The following RIMBP2 variants were observed in gnomAD, a reference collection of about 807,000 sequenced individuals.
The protein encoded by RIMBP2 is RIMS-binding protein 2.
In RIMBP2, 48 loss-of-function variants were observed where a neutral mutation model predicts 118.6. That is an observed-to-expected ratio of 0.40 (90% CI 0.32 to 0.51). The LOEUF is 0.51. Ranked by LOEUF, RIMBP2 falls within the 20% of genes least tolerant of loss-of-function variation. The pLI, the probability that RIMBP2 is intolerant of heterozygous loss-of-function variation, is 0.41. For synonymous variants in RIMBP2, 762 were observed against 742.9 expected (o/e 1.03, Z -0.42); for missense variants, 1,551 against 1,768.3 (o/e 0.88, Z 2.20).
rs1222892354 is a variant in RIMBP2, at chr12:130,531,366, G to C, written c.-216-13449C>G. On this transcript the variant is annotated intron_variant, in intron 2 of 22. Transcript: ENST00000690449. ...TGAGAGTCCCCAAAAGGTAACCACT[G>C]TTCTGATTTCTAGTCCCATGCATGT... is the stretch of plus-strand genomic sequence containing the variant. 2.0e-5 allele frequency among the ~76,000 whole-genome samples: 3 copies of C among 152,228 alleles called. No individual in the cohort carries two copies. The East Asian group carries it at 5.8e-4, about 29-fold the overall frequency.
intron 1 of RIMBP2, among the ~76,000 whole-genome samples, chr12:130,643,171 C>T (rs1477794930): frequency 1.3e-5 from 2 of 152,190 alleles, no homozygotes; most frequent in East Asian, 1.9e-4. Context: ...AGCTAAGCCC[C>T]GGTGAGAGTT....
intron 2 of RIMBP2, among the ~76,000 whole-genome samples, chr12:130,521,712 T>C (rs1166481705): frequency 6.6e-6 from 1 of 152,192 alleles, no homozygotes; most frequent in Non-Finnish European, 1.5e-5. Flanking sequence ...GGGAGAACTT[T>C]CTGAGCTCCA....
rs776743149 is a variant in RIMBP2 at position 130,436,950 on chromosome 12, C to T, written c.1998G>A (p.Ser666=). 1.7e-5 allele frequency: 28 copies of T among 1,600,240 alleles called. No individual in the cohort carries two copies. The highest frequency in any genetic ancestry group is 1.7e-5 in the Admixed American group (1 of 58,496). The change falls in exon 13 of 23, where the codon TCG becomes TCA. Residue 666 remains serine, a synonymous_variant. Transcript: ENST00000690449. ...GTGGCAGGATGCGGCTGGGTGAGGG[C>T]GACCGCCTTCCGGGGCCCACGGGCG... ...LEPPVGPGRR[S]PSPSRILPQP...
chr12:130,570,762 C>T (rs963200220), intron 2 of RIMBP2, among the ~76,000 whole-genome samples: 12 of 152,198 alleles, frequency 7.9e-5, no homozygotes, highest in South Asian at 2.1e-4. Context: ...CAGTGTTAAG[C>T]GCAACATCAG....
At chr12:130,521,023 G>A (rs1189699356) in intron 2 of RIMBP2, among the ~76,000 whole-genome samples, 1 of 152,214 alleles carries the variant, frequency 6.6e-6, no homozygotes, top group Non-Finnish European at 1.5e-5. Flanking sequence ...GTCCCCTGCA[G>A]TGGCAGGCAT....
chr12:130,527,190 A>T (rs2052895163), intron 2 of RIMBP2, among the ~76,000 whole-genome samples: 1 of 152,236 alleles, frequency 6.6e-6, no homozygotes, highest in South Asian at 2.1e-4. Flanking sequence ...AAGCCTAAGT[A>T]TTCTTGGCAA....
chr12:130,442,241 T>C lies in RIMBP2; in HGVS notation c.1111A>G (p.Ile371Val). 1 of 1,614,216 alleles carries C rather than the reference T, an allele frequency of 6.2e-7. No individual in the cohort carries two copies. Among genetic ancestry groups the C allele is most frequent in the Non-Finnish European group, 8.5e-7 (1 of 1,180,042 alleles). Residue 371 changes from isoleucine (I) to valine (V), a missense_variant, in exon 11 of 23, where the codon ATC (isoleucine) becomes GTC (valine). By Grantham distance (29) the Ile-to-Val change is conservative (BLOSUM62 3). Coordinates refer to ENST00000690449, the MANE Select transcript of RIMBP2 (RefSeq NM_001393629.1). The surrounding 1 kb of genome is among the most constrained non-coding windows in gnomAD (Gnocchi z 6.9). ...CAGGCTGCCATGTTGAGCTTCTCGA[T>C]GAGGGCTTTAGTTCTGCTCCCCAGC... ...LTLGSRTKAL[I>V]EKLNMAACTY... is the part of the protein sequence containing the mutation.
At chr12:130,684,779 T>G (rs2064965514) in intron 1 of RIMBP2, among the ~76,000 whole-genome samples, 1 of 152,244 alleles carries the variant, frequency 6.6e-6, no homozygotes, top group African/African-American at 2.4e-5. Flanking sequence ...TGATCTTTTT[T>G]TATCCCATAT....
chr12:130,538,604 C>A (rs925120857), intron 2 of RIMBP2, among the ~76,000 whole-genome samples: 1 of 152,216 alleles, frequency 6.6e-6, no homozygotes, highest in Non-Finnish European at 1.5e-5. Context: ...AGAGTCTGCA[C>A]ACTTCAGCTC....
chr12:130,498,688 G>A (rs11060953), intron 4 of RIMBP2, among the ~76,000 whole-genome samples: 29,229 of 150,498 alleles, frequency 0.19, 3,484 homozygotes, highest in Non-Finnish European at 0.26. Context: ...CCTGTGGAGA[G>A]GCCACATGAG....
intron 15 of RIMBP2, chr12:130,427,364 T>C (rs2076859047): frequency 6.6e-6 from 1 of 152,214 alleles, no homozygotes; most frequent in South Asian, 2.1e-4. Flanking sequence ...CCCCTTAGCC[T>C]AGCACAGGGC....
At chr12:130,675,816 G>A (rs367632368) in intron 1 of RIMBP2, among the ~76,000 whole-genome samples, 29 of 152,188 alleles carry the variant, frequency 1.9e-4, no homozygotes, top group African/African-American at 6.3e-4. Context: ...AATCCCACTC[G>A]GGTATTTACC....
chr12:130,665,056 A>G (rs2063859616), intron 1 of RIMBP2, among the ~76,000 whole-genome samples: 1 of 151,650 alleles, frequency 6.6e-6, no homozygotes, highest in South Asian at 2.1e-4. Context: ...CACTCACCAA[A>G]CCCTACCACA....
chr12:130,689,819 A>C (rs1224515303), intron 1 of RIMBP2, among the ~76,000 whole-genome samples: 2 of 152,186 alleles, frequency 1.3e-5, no homozygotes, highest in Non-Finnish European at 2.9e-5. Context: ...GGCGGCTTAA[A>C]CAGCCCCATG....
chr12:130,442,612 T>G lies in RIMBP2; in HGVS notation c.740A>C (p.Asp247Ala), dbSNP rs147035129. The G allele has an allele frequency of 1.3e-5, 21 of 1,614,060 alleles. No homozygotes were observed. In the African/African-American group the frequency reaches 2.8e-4, roughly 22 times the overall value. Residue 247 changes from aspartate (D) to alanine (A), a missense_variant, in exon 11 of 23, where the codon GAC becomes GCC. Around this residue, in one of 5 missense-constraint regions of RIMBP2, gnomAD observed 265 missense variants for 349.5 expected, o/e 0.76. Coordinates refer to ENST00000690449, the MANE Select transcript of RIMBP2 (RefSeq NM_001393629.1). The surrounding 1 kb of genome is among the most constrained non-coding windows in gnomAD (Gnocchi z 6.9). ...CCGCGACTCGTTGTCCTGCACAAAG[T>G]CCACGAAGTTGGAGGGCACCAGACC... ...QRGLVPSNFV[D>A]FVQDNESRLA...
At chr12:130,635,824 C>G (rs2062316120) in intron 1 of RIMBP2, among the ~76,000 whole-genome samples, 2 of 152,066 alleles carry the variant, frequency 1.3e-5, no homozygotes, top group Non-Finnish European at 1.5e-5. Context: ...TATCGTCCTC[C>G]CAACCCTTCC....
At chr12:130,672,373 C>G (rs1849715971) in intron 1 of RIMBP2, among the ~76,000 whole-genome samples, 1 of 152,236 alleles carries the variant, frequency 6.6e-6, no homozygotes, top group African/African-American at 2.4e-5. Flanking sequence ...TTGAGGGTGG[C>G]TAAACACCGC....
chr12:130,417,068 G>A (rs756439788), intron 17 of RIMBP2, among the ~76,000 whole-genome samples: 7 of 152,078 alleles, frequency 4.6e-5, no homozygotes, highest in Non-Finnish European at 1.0e-4. Flanking sequence ...TCAGAATGAC[G>A]ATTAAAAAGT....
At chr12:130,466,960 A>T (rs937989600) in intron 6 of RIMBP2, among the ~76,000 whole-genome samples, 1 of 152,202 alleles carries the variant, frequency 6.6e-6, no homozygotes, top group Non-Finnish European at 1.5e-5. Context: ...CTCATCAGAG[A>T]CTCAAAAGAA....
Sources: gnomAD v4.1 joint callset for allele counts (sites outside exome capture counted in the v4.1 genomes callset) on GRCh38, gnomAD v4.1.1 for gene constraint, gnomAD v4.1.1 regional missense constraint, Gnocchi (gnomAD v3.1) non-coding constraint, MANE v1.5 for transcripts, NCBI Gene and HGNC (gene_info 2026-07-23, HGNC 2026-07-21) for gene names.